RALGAPA1: variants seen among roughly 807,000 people sequenced by gnomAD.
RALGAPA1 encodes Ral GTPase activating protein catalytic subunit alpha 1.
RALGAPA1 carries 52 observed loss-of-function variants against 269.6 expected under a neutral mutation model. The observed-to-expected ratio is 0.19, with a 90% CI of 0.15 to 0.24. RALGAPA1 has a LOEUF of 0.24. Ranked by LOEUF, RALGAPA1 falls within the 10% of genes least tolerant of loss-of-function variation. The probability of loss-of-function intolerance (pLI) is 1.00; values close to 1 mark genes in which losing one functional copy is unlikely to be tolerated. For synonymous variants in RALGAPA1, 817 were observed against 1,008.3 expected (o/e 0.81, Z 3.60); for missense variants, 1,917 against 3,013.9 (o/e 0.64, Z 8.52).
At chr14:35,679,051 C>G (rs563414410) in intron 21 of RALGAPA1, among the ~76,000 whole-genome samples, 1 of 152,172 alleles carries the variant, frequency 6.6e-6, no homozygotes, top group Admixed American at 6.5e-5. Flanking sequence ...CTGTTATATA[C>G]TGTAGTAGTG....
At chr14:35,585,508 T>A (rs1345909062) in intron 37 of RALGAPA1, among the ~76,000 whole-genome samples, 1 of 152,218 alleles carries the variant, frequency 6.6e-6, no homozygotes, top group Non-Finnish European at 1.5e-5. Context: ...TTAAAGCCAA[T>A]GAATTAGTTA....
intron 39 of RALGAPA1, among the ~76,000 whole-genome samples, chr14:35,556,988 T>C (rs1390228032): frequency 1.3e-5 from 2 of 152,146 alleles, no homozygotes; most frequent in Admixed American, 1.3e-4. Flanking sequence ...CTTAAATAAA[T>C]AGGCTTAAAA....
chr14:35,682,320 A>G (rs1237586506), intron 21 of RALGAPA1, among the ~76,000 whole-genome samples: 4 of 148,488 alleles, frequency 2.7e-5, no homozygotes, highest in Non-Finnish European at 6.0e-5. Flanking sequence ...TTTTTTTTTG[A>G]GACGGAGTCT....
chr14:35,698,183 C>A (rs192021667), intron 17 of RALGAPA1, among the ~76,000 whole-genome samples: 1 of 152,154 alleles, frequency 6.6e-6, no homozygotes, highest in East Asian at 1.9e-4. Context: ...AATAAAATTG[C>A]CATTTAGAAA....
chr14:35,609,631 C>T (rs572854324), intron 35 of RALGAPA1, among the ~76,000 whole-genome samples: 1 of 152,180 alleles, frequency 6.6e-6, no homozygotes, highest in Admixed American at 6.5e-5. Context: ...ACCAAACCTT[C>T]CACCTTACAA....
chr14:35,577,106 A>T (rs1254834337), intron 37 of RALGAPA1, among the ~76,000 whole-genome samples: 3 of 152,164 alleles, frequency 2.0e-5, no homozygotes, highest in African/African-American at 7.2e-5. Context: ...ACTACACTTC[A>T]TTATCTAAGT....
chr14:35,631,546 T>TA (rs1388079807), intron 33 of RALGAPA1, among the ~76,000 whole-genome samples: 1 of 152,168 alleles, frequency 6.6e-6, no homozygotes, highest in Non-Finnish European at 1.5e-5. Context: ...GTGACATACT[T>TA]AAATAGATGA....
intron 12 of RALGAPA1, among the ~76,000 whole-genome samples, chr14:35,732,566 T>C (rs1012645610): frequency 5.9e-5 from 9 of 152,160 alleles, no homozygotes; most frequent in African/African-American, 2.2e-4. Context: ...AGGCATTTCA[T>C]GCAAATGGAC....
intron 30 of RALGAPA1, among the ~76,000 whole-genome samples, chr14:35,652,725 A>G (rs2062923208): frequency 6.6e-6 from 1 of 152,170 alleles, no homozygotes; most frequent in Admixed American, 6.6e-5. Flanking sequence ...TTTTAAATTA[A>G]CATATATTAT....
chr14:35,750,381 T>C, intron 9 of RALGAPA1, 101 bp downstream of exon 9: 1 of 636,508 alleles, frequency 1.6e-6, no homozygotes, highest in Non-Finnish European at 2.6e-6. Flanking sequence ...AAAATAGCAC[T>C]ATTATTTAAG....
At chr14:35,656,239 T>G (rs1205951088) in intron 28 of RALGAPA1, among the ~76,000 whole-genome samples, 1 of 152,180 alleles carries the variant, frequency 6.6e-6, no homozygotes, top group African/African-American at 2.4e-5. Context: ...GCTTTCAAAA[T>G]GGAAAGTGTA....
chr14:35,657,069 G>A (rs189120568), intron 28 of RALGAPA1, among the ~76,000 whole-genome samples: 290 of 152,126 alleles, frequency 1.9e-3, no homozygotes, highest in Admixed American at 6.0e-3. Flanking sequence ...CTTGCATGTA[G>A]AGTTTCCTAC....
chr14:35,793,855 C>T (rs1186222186), intron 1 of RALGAPA1, among the ~76,000 whole-genome samples: 1 of 152,076 alleles, frequency 6.6e-6, no homozygotes, highest in Non-Finnish European at 1.5e-5. Context: ...TGTTCTATTC[C>T]ACATTTTATT....
At chr14:35,648,257 A>C (rs2062586025) in intron 31 of RALGAPA1, among the ~76,000 whole-genome samples, 1 of 151,974 alleles carries the variant, frequency 6.6e-6, no homozygotes. Flanking sequence ...AGATTGTGCC[A>C]CTACATGCCA....
At chr14:35,560,150 G>A (rs142421701) in intron 39 of RALGAPA1, among the ~76,000 whole-genome samples, 30 of 152,292 alleles carry the variant, frequency 2.0e-4, no homozygotes, top group African/African-American at 6.3e-4. Context: ...GCTAGTCAAC[G>A]GGTAAAAAAC....
Position 35,807,688 on chromosome 14 carries a change from A to T in RALGAPA1, c.106+1042T>A, listed in dbSNP as rs2077472029. ...CTGTAAACAGTAAAGCATCATAGAA[A>T]TGTTGGGTAATATTGGTGGTATCCT... On this transcript the variant is annotated intron_variant, in intron 1 of 41. Coordinates refer to ENST00000680220, the MANE Select transcript of RALGAPA1 (RefSeq NM_001346249.2). 2 of 152,352 alleles carry T rather than the reference A, an allele frequency of 1.3e-5. 1 individual carries two copies. The highest frequency in any genetic ancestry group is 3.9e-4 in the East Asian group (2 of 5,190). The allele number at this position is 152,352 out of a possible 1,614,324, so 9.4% of individuals were successfully genotyped here.
At chr14:35,634,941 C>A (rs1029351333) in intron 32 of RALGAPA1, among the ~76,000 whole-genome samples, 184 bp from the exon 33 acceptor site, 1 of 152,192 alleles carries the variant, frequency 6.6e-6, no homozygotes, top group Non-Finnish European at 1.5e-5. Flanking sequence ...GGAGGCCCAG[C>A]CAGGTGGATC....
chr14:35,766,757 G>T, intron 4 of RALGAPA1: 1 of 525,302 alleles, frequency 1.9e-6, no homozygotes. Flanking sequence ...ATGATTTTGT[G>T]AATGCTTTTA....
intron 16 of RALGAPA1, among the ~76,000 whole-genome samples, chr14:35,719,487 A>C (rs911532265): frequency 2.0e-5 from 3 of 152,188 alleles, no homozygotes; most frequent in Admixed American, 2.0e-4. Context: ...ACATTAGTAC[A>C]ACTAGAAAGT....
Sources: gnomAD v4.1 joint callset for allele counts (sites outside exome capture counted in the v4.1 genomes callset) on GRCh38, gnomAD v4.1.1 for gene constraint, MANE v1.5 for transcripts, NCBI Gene and HGNC (gene_info 2026-07-23, HGNC 2026-07-21) for gene names.